Variants in ZMYM2 observed in about 807,000 individuals in gnomAD.
ZMYM2 encodes the protein zinc finger MYM-type protein 2.
In ZMYM2, 56 loss-of-function variants were observed where a neutral mutation model predicts 162.8. The observed-to-expected ratio is 0.34, with a 90% CI of 0.28 to 0.43. The LOEUF (loss-of-function observed/expected upper bound fraction) is 0.43, where lower values mean the gene tolerates loss of function less well. ZMYM2 is among the 20% of genes least tolerant of loss of function. The pLI is 1.00. For missense variants in ZMYM2, 1,275 were observed against 1,621.8 expected (o/e 0.79, Z 3.67); for synonymous variants, 510 against 541.6 (o/e 0.94, Z 0.81).
In ZMYM2 at chr13:20,061,786, C is replaced by G. The variant is rs556865439; in HGVS notation, c.2911+562C>G. ...GTCTTTTTAGTAGAGACAGGGCTTC[C>G]CTATGTTGGCCAGGCTGATCTCAAA... On this transcript the variant is annotated intron_variant, in intron 17 of 24. Transcript: ENST00000610343. 2.6e-3 allele frequency among the ~76,000 whole-genome samples: 396 copies of G among 152,016 alleles called. 1 individual carries two copies. The highest frequency in any genetic ancestry group is 4.3e-3 in the Non-Finnish European group (292 of 67,938).
the ZMYM2 span, among the ~76,000 whole-genome samples, chr13:19,928,812 A>G: frequency 9.3e-5 from 14 of 151,246 alleles, no homozygotes; most frequent in African/African-American, 1.9e-4. Flanking sequence ...AAAAAAAAAC[A>G]AAAACCCGTC....
chr13:19,920,583 G>T, the ZMYM2 span, among the ~76,000 whole-genome samples: 37 of 151,832 alleles, frequency 2.4e-4, no homozygotes, highest in African/African-American at 8.7e-4. Context: ...GTGATTAAGG[G>T]GAAAGAGGAG....
At chr13:19,969,639 T>C (rs938588092) in intron 2 of ZMYM2, among the ~76,000 whole-genome samples, 2 of 152,196 alleles carry the variant, frequency 1.3e-5, no homozygotes, top group Non-Finnish European at 2.9e-5. Context: ...GAGGACTGCT[T>C]TCTTTAGTTA....
At chr13:19,954,305 T>A (rs1346587210), upstream of ZMYM2, among the ~76,000 whole-genome samples, 3 of 151,470 alleles carry the variant, frequency 2.0e-5, no homozygotes, top group Non-Finnish European at 4.4e-5. Context: ...ATTTTTTGTA[T>A]TTTTAGTAGA....
chr13:19,890,643 G>T, the ZMYM2 span, among the ~76,000 whole-genome samples: 1 of 151,548 alleles, frequency 6.6e-6, no homozygotes, highest in East Asian at 1.9e-4. Context: ...GGCTGAGGCG[G>T]GCAGATCACG....
chr13:20,040,230 G>A (rs180831602), intron 12 of ZMYM2, among the ~76,000 whole-genome samples: 1 of 152,182 alleles, frequency 6.6e-6, no homozygotes, highest in Non-Finnish European at 1.5e-5. Context: ...ACTTTTTTTG[G>A]TTGGTAGGGT....
rs769437536 is a variant in ZMYM2, at chr13:19,993,352, G to A, written c.280G>A (p.Gly94Arg). 7 of 1,613,594 alleles carry A rather than the reference G, an allele frequency of 4.3e-6. No homozygotes were observed. The African/African-American group carries it at 8.0e-5, about 18-fold the overall frequency. The part of the protein sequence containing the change: ...FTSSKNEELQ[G>R]NDSKITPSSK... ...ATCATCAAAAAATGAAGAACTACAA[G>A]GAAATGATTCCAAAATTACTCCTTC... The change falls in exon 3 of 25, where the codon GGA (glycine) becomes AGA (arginine). Residue 94 changes from glycine (G) to arginine (R), a missense_variant. Transcript: ENST00000610343.
At chr13:19,987,641 G>GTGTT (rs1460882298) in intron 2 of ZMYM2, among the ~76,000 whole-genome samples, 2 of 150,350 alleles carry the variant, frequency 1.3e-5, no homozygotes, top group South Asian at 4.2e-4. Flanking sequence ...GTGTGTGTGT[G>GTGTT]TGTGTGTGTG....
chr13:20,046,526 C>A (rs1408794312), intron 12 of ZMYM2, among the ~76,000 whole-genome samples: 3 of 143,488 alleles, frequency 2.1e-5, no homozygotes, highest in Non-Finnish European at 4.5e-5. Flanking sequence ...TGCACTCTGG[C>A]CTGGGGGACA....
At chr13:20,016,687 G>A (rs963969796) in intron 6 of ZMYM2, among the ~76,000 whole-genome samples, 1 of 151,928 alleles carries the variant, frequency 6.6e-6, no homozygotes, top group Non-Finnish European at 1.5e-5. Flanking sequence ...GGCCTCCATG[G>A]TTGTTTCTTT....
the ZMYM2 span, among the ~76,000 whole-genome samples, chr13:19,912,145 C>CGT: frequency 6.6e-6 from 1 of 152,176 alleles, no homozygotes; most frequent in East Asian, 1.9e-4. Flanking sequence ...TTGGCAAATG[C>CGT]TTTCTTCTCC....
intron 2 of ZMYM2, among the ~76,000 whole-genome samples, chr13:19,978,079 G>A (rs1181772306): frequency 1.3e-5 from 2 of 151,578 alleles, no homozygotes; most frequent in East Asian, 3.9e-4. Flanking sequence ...GGGTTTCATC[G>A]AGTCAGGCAG....
the ZMYM2 span, among the ~76,000 whole-genome samples, chr13:19,905,676 C>T: frequency 6.6e-6 from 1 of 152,336 alleles, no homozygotes; most frequent in East Asian, 1.9e-4. Context: ...TGGAGGTTCT[C>T]ACCCATGTTT....
the ZMYM2 span, among the ~76,000 whole-genome samples, chr13:19,931,011 C>T: frequency 6.6e-5 from 10 of 151,382 alleles, no homozygotes; most frequent in African/African-American, 9.7e-5. Context: ...CGGTGGCGGG[C>T]GCCTGTAGTC....
intron 8 of ZMYM2, 50 bp from the exon 9 acceptor site, chr13:20,027,153 C>A (rs1259572935): frequency 1.5e-6 from 2 of 1,376,976 alleles, no homozygotes; most frequent in South Asian, 1.5e-5. Context: ...GATAAAAAAA[C>A]TTTTTTATTA....
At chr13:20,013,998 G>C (rs534245237) in intron 6 of ZMYM2, among the ~76,000 whole-genome samples, 144 of 152,230 alleles carry the variant, frequency 9.5e-4, no homozygotes, top group African/African-American at 3.4e-3. Flanking sequence ...GGGAATTGGT[G>C]TTAATTCTTT....
At chr13:20,049,598 T>C (rs1435378053) in intron 12 of ZMYM2, among the ~76,000 whole-genome samples, 1 of 152,060 alleles carries the variant, frequency 6.6e-6, no homozygotes, top group Non-Finnish European at 1.5e-5. Flanking sequence ...ATTTTGTCTT[T>C]ATTGCTTAGG....
At chr13:19,946,719 A>T in the ZMYM2 span, among the ~76,000 whole-genome samples, 1 of 152,218 alleles carries the variant, frequency 6.6e-6, no homozygotes, top group Non-Finnish European at 1.5e-5. Flanking sequence ...CCCAGTTAAC[A>T]TTTGTGGAAT....
At chr13:20,059,211 T>C (rs1353476200) in intron 15 of ZMYM2, among the ~76,000 whole-genome samples, 1 of 151,854 alleles carries the variant, frequency 6.6e-6, no homozygotes, top group Non-Finnish European at 1.5e-5. Context: ...AAGGATGTTT[T>C]CTTTCTTAAA....
Sources: allele counts gnomAD v4.1 joint callset (sites outside exome capture counted in the v4.1 genomes callset), GRCh38; gene constraint gnomAD v4.1.1; transcripts MANE v1.5; gene names NCBI Gene and HGNC (gene_info 2026-07-23, HGNC 2026-07-21).